EXOC6B: variants seen among roughly 807,000 people sequenced by gnomAD.
EXOC6B encodes exocyst complex component 6B.
In EXOC6B, 54 loss-of-function variants were observed where a neutral mutation model predicts 113.5. The ratio of observed to expected loss-of-function variants is 0.48; its 90% CI spans 0.38 to 0.60. The LOEUF (loss-of-function observed/expected upper bound fraction) is 0.60. EXOC6B is among the 20% of genes least tolerant of loss of function. The probability of loss-of-function intolerance (pLI) is 0.00; values close to 1 mark genes in which losing one functional copy is unlikely to be tolerated. For synonymous variants in EXOC6B, 357 were observed against 339.0 expected, an observed-to-expected ratio of 1.05 and a Z score of -0.58; for missense variants, 797 against 977.5, an observed-to-expected ratio of 0.82 and a Z score of 2.46.
chr2:72,665,639 G>A (rs536408373), intron 6 of EXOC6B, among the ~76,000 whole-genome samples: 12 of 152,096 alleles, frequency 7.9e-5, no homozygotes, highest in Non-Finnish European at 1.5e-4. Flanking sequence ...TTTCAGACAA[G>A]CAAACACTAA....
At chr2:72,611,732 A>G (rs1671084341) in intron 6 of EXOC6B, among the ~76,000 whole-genome samples, 1 of 152,192 alleles carries the variant, frequency 6.6e-6, no homozygotes, top group Admixed American at 6.5e-5. Flanking sequence ...TAGTCTAGCT[A>G]AATGTTTAAC....
At chr2:72,218,810 G>A (rs1680690287) in intron 20 of EXOC6B, among the ~76,000 whole-genome samples, 2 of 151,864 alleles carry the variant, frequency 1.3e-5, no homozygotes, top group Admixed American at 1.3e-4. Context: ...TTACAGGCAC[G>A]TGCCACCATG....
intron 16 of EXOC6B, among the ~76,000 whole-genome samples, chr2:72,489,047 T>G (rs1699592633): frequency 6.6e-6 from 1 of 152,170 alleles, no homozygotes; most frequent in Non-Finnish European, 1.5e-5. Flanking sequence ...CCTTCAGGCC[T>G]TTGCTCTGGC....
chr2:72,289,778 A>G (rs562425895), intron 20 of EXOC6B, among the ~76,000 whole-genome samples: 6 of 152,072 alleles, frequency 3.9e-5, no homozygotes, highest in African/African-American at 1.4e-4. Flanking sequence ...TGCCTTTAGT[A>G]CCTGTAGTCC....
intron 20 of EXOC6B, among the ~76,000 whole-genome samples, chr2:72,186,926 T>A (rs1678473148): frequency 6.6e-6 from 1 of 152,188 alleles, no homozygotes; most frequent in African/African-American, 2.4e-5. Context: ...AGTTTTGCTC[T>A]GGCCCACTGG....
intron 1 of EXOC6B, among the ~76,000 whole-genome samples, chr2:72,800,166 AT>A (rs1685200984): frequency 6.6e-6 from 1 of 152,224 alleles, no homozygotes; most frequent in Non-Finnish European, 1.5e-5. Flanking sequence ...AAATGCATAA[AT>A]GTGTTTTTTC....
intron 6 of EXOC6B, among the ~76,000 whole-genome samples, chr2:72,643,828 A>C (rs1294910504): frequency 6.6e-6 from 1 of 151,272 alleles, no homozygotes; most frequent in East Asian, 1.9e-4. Flanking sequence ...TAAATAAATA[A>C]ATAAATAAAA....
rs540363227 is a variant in EXOC6B at position 72,455,089 on chromosome 2, C to T, written c.1980+10071G>A. Among the ~76,000 whole-genome samples the T allele has an allele frequency of 3.6e-4, 55 of 152,180 alleles. No individual in the cohort carries two copies. In the South Asian group the frequency reaches 5.8e-3, roughly 16 times the overall value. The stretch of plus-strand genomic sequence containing the variant: ...AAAAAAAAAATCTTGAATCTTGGAT[C>T]TACCTATGTAATTAATGTAATGAAG... On this transcript the variant is annotated intron_variant, in intron 18 of 21. Coordinates refer to ENST00000272427, the MANE Select transcript of EXOC6B (RefSeq NM_015189.3).
intron 6 of EXOC6B, among the ~76,000 whole-genome samples, chr2:72,622,647 T>C (rs1406947222): frequency 6.6e-6 from 1 of 151,946 alleles, no homozygotes; most frequent in Admixed American, 6.6e-5. Context: ...GAGGCAGAGG[T>C]TGCAGTGAGC....
chr2:72,603,127 G>C (rs1670532005), intron 6 of EXOC6B, among the ~76,000 whole-genome samples: 1 of 150,438 alleles, frequency 6.6e-6, no homozygotes, highest in South Asian at 2.1e-4. Flanking sequence ...TTTACCACCA[G>C]GGAATATCAA....
At chr2:72,782,459 A>G (rs1684111453) in intron 1 of EXOC6B, among the ~76,000 whole-genome samples, 1 of 152,198 alleles carries the variant, frequency 6.6e-6, no homozygotes, top group African/African-American at 2.4e-5. Flanking sequence ...ACACGTATAG[A>G]CTGTGTAATG....
At chr2:72,764,847 T>C (rs1682967812) in intron 1 of EXOC6B, among the ~76,000 whole-genome samples, 1 of 152,204 alleles carries the variant, frequency 6.6e-6, no homozygotes, top group South Asian at 2.1e-4. Flanking sequence ...TATACAAATA[T>C]TCTTCACTTT....
chr2:72,633,401 T>C (rs1362221555), intron 6 of EXOC6B, among the ~76,000 whole-genome samples: 4 of 152,166 alleles, frequency 2.6e-5, no homozygotes, highest in African/African-American at 9.7e-5. Flanking sequence ...ATACAATGTA[T>C]GCTGTTGTTG....
At chr2:72,276,692 AT>A (rs548917396) in intron 20 of EXOC6B, among the ~76,000 whole-genome samples, 8 of 152,000 alleles carry the variant, frequency 5.3e-5, no homozygotes, top group Admixed American at 3.9e-4. Flanking sequence ...TGTTTTAATT[AT>A]TTTTTTCAAA....
intron 6 of EXOC6B, among the ~76,000 whole-genome samples, chr2:72,629,591 T>C (rs1035397572): frequency 2.0e-5 from 3 of 152,208 alleles, no homozygotes; most frequent in Admixed American, 6.5e-5. Flanking sequence ...CAAAGGACCC[T>C]ACCACACAAT....
At chr2:72,488,828 C>T (rs1301535751) in intron 16 of EXOC6B, among the ~76,000 whole-genome samples, 2 of 152,154 alleles carry the variant, frequency 1.3e-5, no homozygotes, top group East Asian at 3.9e-4. Flanking sequence ...ATGTGATCCT[C>T]TCAAAATATA....
intron 12 of EXOC6B, 35 bp from the exon 13 acceptor site, chr2:72,498,586 A>C: frequency 1.4e-6 from 2 of 1,440,586 alleles, no homozygotes; most frequent in Non-Finnish European, 1.9e-6. Context: ...TCAGTGTCTA[A>C]GGAAGGAGTT....
intron 6 of EXOC6B, among the ~76,000 whole-genome samples, chr2:72,622,409 C>A (rs1671801839): frequency 6.6e-6 from 1 of 152,192 alleles, no homozygotes; most frequent in African/African-American, 2.4e-5. Context: ...AGAAAGTGAA[C>A]ATTCTGTAAA....
intron 20 of EXOC6B, among the ~76,000 whole-genome samples, chr2:72,186,321 T>C (rs972013419): frequency 6.6e-6 from 1 of 152,220 alleles, no homozygotes; most frequent in Non-Finnish European, 1.5e-5. Flanking sequence ...ATTGCCACAC[T>C]GTAGCATCAG....
Sources: allele counts gnomAD v4.1 joint callset (sites outside exome capture counted in the v4.1 genomes callset), GRCh38; gene constraint gnomAD v4.1.1; transcripts MANE v1.5; gene names NCBI Gene and HGNC (gene_info 2026-07-23, HGNC 2026-07-21).